Variants in FNIP1 observed in about 807,000 individuals in gnomAD.
FNIP1 encodes folliculin interacting protein 1.
FNIP1 carries 40 observed loss-of-function variants against 124.5 expected under a neutral mutation model. That is an observed-to-expected ratio of 0.32 (90% CI 0.25 to 0.42). The LOEUF (loss-of-function observed/expected upper bound fraction) is 0.42, where lower values mean the gene tolerates loss of function less well. FNIP1 is among the 10% of genes least tolerant of loss of function. The pLI, the probability that FNIP1 is intolerant of heterozygous loss-of-function variation, is 1.00. For synonymous variants in FNIP1, 472 were observed against 470.6 expected, an observed-to-expected ratio of 1.00 and a Z score of -0.04; for missense variants, 1,176 against 1,403.7, an observed-to-expected ratio of 0.84 and a Z score of 2.59.
At chr5:131,730,803 G>A (rs1224019243) in intron 3 of FNIP1, 101 bp downstream of exon 3, 1 of 872,924 alleles carries the variant, frequency 1.1e-6, no homozygotes, top group Non-Finnish European at 1.7e-6. Flanking sequence ...CAAGCTCTAG[G>A]AAGATAAGGA....
intron 1 of FNIP1, among the ~76,000 whole-genome samples, chr5:131,767,896 C>A (rs1580823122): frequency 1.3e-5 from 2 of 152,174 alleles, no homozygotes; most frequent in East Asian, 3.9e-4. Context: ...TTTTCTCTAA[C>A]TACATCTTAA....
At chr5:131,726,599 T>C (rs1208127371) in intron 3 of FNIP1, among the ~76,000 whole-genome samples, 1 of 152,170 alleles carries the variant, frequency 6.6e-6, no homozygotes, top group Admixed American at 6.5e-5. Flanking sequence ...TTTGTTAATC[T>C]TTTCAAAAAA....
chr5:131,696,624 T>C (rs1307631299), intron 11 of FNIP1, among the ~76,000 whole-genome samples: 17 of 152,218 alleles, frequency 1.1e-4, no homozygotes, highest in Admixed American at 1.0e-3. Context: ...AATATTAAAT[T>C]AAAATTATTT....
chr5:131,668,819 T>C (rs375929778), intron 15 of FNIP1, among the ~76,000 whole-genome samples: 2 of 152,376 alleles, frequency 1.3e-5, no homozygotes, highest in Admixed American at 6.5e-5. Flanking sequence ...TGAATGACTG[T>C]GGTTGTGTTC....
chr5:131,749,061 AAT>A (rs1049183421), intron 1 of FNIP1, among the ~76,000 whole-genome samples: 3 of 152,322 alleles, frequency 2.0e-5, no homozygotes, highest in African/African-American at 2.4e-5. Context: ...AAAGAAAGAA[AAT>A]ATGTTTGTAC....
chr5:131,645,606 T>C (rs894309417), intron 17 of FNIP1, among the ~76,000 whole-genome samples: 1 of 152,230 alleles, frequency 6.6e-6, no homozygotes, highest in Non-Finnish European at 1.5e-5. Flanking sequence ...GAATTCATTT[T>C]GAAACTTTCT....
intron 2 of FNIP1, among the ~76,000 whole-genome samples, chr5:131,741,168 G>A (rs551856931): frequency 6.6e-6 from 1 of 152,056 alleles, no homozygotes; most frequent in Non-Finnish European, 1.5e-5. Flanking sequence ...TCTTGCTCAA[G>A]ATCCAAGAAC....
At chr5:131,647,565 C>T (rs940882830) in intron 16 of FNIP1, among the ~76,000 whole-genome samples, 5 of 152,110 alleles carry the variant, frequency 3.3e-5, no homozygotes, top group Admixed American at 6.5e-5. Flanking sequence ...CTTCCGCCTC[C>T]CGGGTTCAAG....
rs1766767817 is a variant in FNIP1 at position 131,643,198 on chromosome 5, C to T, written c.*1487G>A. 6.6e-6 allele frequency: 1 copy of T among 152,258 alleles called. No homozygotes were observed. Among genetic ancestry groups the T allele is most frequent in the African/African-American group, 2.4e-5 (1 of 41,416 alleles). The allele number at this position is 152,258 out of a possible 1,614,324, so 9.4% of individuals were successfully genotyped here. A position where few individuals can be genotyped will look rare whatever the true frequency, so the allele number is the denominator to read the frequency against. On this transcript the variant is annotated 3_prime_UTR_variant, in exon 18 of 18. Coordinates refer to ENST00000510461, the MANE Select transcript of FNIP1 (RefSeq NM_133372.3). ...TAGTTGGAAGTCTCTTGAATACATA[C>T]ACAGCAAGGCAAAATGTGACCCAAT...
chr5:131,750,022 A>C (rs1339955106), intron 1 of FNIP1, among the ~76,000 whole-genome samples: 2 of 152,200 alleles, frequency 1.3e-5, no homozygotes, highest in Non-Finnish European at 2.9e-5. Flanking sequence ...GCAATGCTGT[A>C]CATCTACATA....
intron 1 of FNIP1, among the ~76,000 whole-genome samples, chr5:131,746,968 A>G (rs573759071): frequency 2.0e-5 from 3 of 152,188 alleles, no homozygotes; most frequent in Admixed American, 6.5e-5. Context: ...ATAATAGCCA[A>G]TCTGATTGAT....
Position 131,671,572 on chromosome 5 carries a change from G to T in FNIP1, c.2872C>A (p.Gln958Lys). 1 of 1,613,574 alleles carries T rather than the reference G, an allele frequency of 6.2e-7. No individual in the cohort carries two copies. The highest frequency in any genetic ancestry group is 8.5e-7 in the Non-Finnish European group (1 of 1,179,996). ...SEDTGHDMTR[Q>K]VSSYYGGEQE... ...TCTCCTCCATAATAACTGCTAACTT[G>T]TCTAGTCATATCATGACCTGTATCT... Residue 958 changes from glutamine (Q) to lysine (K), a missense_variant, in exon 14 of 18, where the codon CAA becomes AAA. Gln to Lys is a moderately conservative substitution (Grantham distance 53, BLOSUM62 1). This residue lies in a region of FNIP1 where 1,109 missense variants were observed against 1,288.5 expected (regional missense o/e 0.86). Transcript: ENST00000510461.
At position 131,661,220 on chromosome 5, in the gene FNIP1, T is replaced by TGTGTGTGTGTGTGTGTGTGTGTG. The variant is rs1554092139; in HGVS notation, c.3109-9222_3109-9221insCACACACACACACACACACACAC. ...ACCTTCTGTCCGTCTTGTCTTTGTT[T>TGTGTGTGTGTGTGTGTGTGTGTG]TGTGTGTGTGTGTGTGTGTGTGTGT... On this transcript the variant is annotated intron_variant, in intron 15 of 17. Coordinates refer to ENST00000510461, the MANE Select transcript of FNIP1 (RefSeq NM_133372.3). 8.5e-4 allele frequency among the ~76,000 whole-genome samples: 125 copies of TGTGTGTGTGTGTGTGTGTGTGTG among 147,730 alleles called. 1 individual carries two copies. Among genetic ancestry groups the TGTGTGTGTGTGTGTGTGTGTGTG allele is most frequent in the African/African-American group, 2.8e-3 (113 of 39,684 alleles).
chr5:131,706,869 T>G (rs1769131119), intron 8 of FNIP1, among the ~76,000 whole-genome samples: 1 of 152,212 alleles, frequency 6.6e-6, no homozygotes, highest in Non-Finnish European at 1.5e-5. Context: ...AGTTGAATCC[T>G]TTTAGTTCTT....
At chr5:131,744,959 T>G (rs1389446694) in intron 1 of FNIP1, among the ~76,000 whole-genome samples, 1 of 151,742 alleles carries the variant, frequency 6.6e-6, no homozygotes, top group Non-Finnish European at 1.5e-5. Context: ...TTTGAAAGCA[T>G]TAACTTAATA....
intron 1 of FNIP1, among the ~76,000 whole-genome samples, chr5:131,765,712 A>C (rs1771397941): frequency 6.6e-6 from 1 of 152,246 alleles, no homozygotes. Flanking sequence ...TCTAAAGCAC[A>C]TAACAGGTGA....
rs1172680907 is a variant in FNIP1 at position 131,672,379 on chromosome 5, C to T, written c.2065G>A (p.Val689Ile). The change falls in exon 14 of 18, where the codon GTA becomes ATA. Residue 689 changes from valine to isoleucine, a missense_variant. Val to Ile is a conservative substitution (Grantham distance 29). Coordinates refer to ENST00000510461, the MANE Select transcript of FNIP1 (RefSeq NM_133372.3). Reference protein sequence around the residue: ...ETVVCTGSVPVDKCALSESGL... With the variant: ...ETVVCTGSVPIDKCALSESGL... ...GACTCTGACAATGCACATTTGTCTA[C>T]TGGAACAGATCCTGTGCAAACAACT... is the stretch of plus-strand genomic sequence containing the variant. 1 of 1,614,192 alleles carries T rather than the reference C, an allele frequency of 6.2e-7. No individual in the cohort carries two copies. Among genetic ancestry groups the T allele is most frequent in the Admixed American group, 1.7e-5 (1 of 60,022 alleles).
chr5:131,776,346 T>C (rs1771804250), intron 1 of FNIP1, among the ~76,000 whole-genome samples: 1 of 152,340 alleles, frequency 6.6e-6, no homozygotes, highest in African/African-American at 2.4e-5. Context: ...GGAACTGTCA[T>C]ATAACATACA....
chr5:131,696,763 G>A (rs1028510055), intron 11 of FNIP1, among the ~76,000 whole-genome samples: 1 of 151,902 alleles, frequency 6.6e-6, no homozygotes, highest in African/African-American at 2.4e-5. Context: ...ATAATATAAG[G>A]TGAAATTAAA....
Sources: gnomAD v4.1 joint callset for allele counts (sites outside exome capture counted in the v4.1 genomes callset) on GRCh38, gnomAD v4.1.1 for gene constraint, gnomAD v4.1.1 regional missense constraint, MANE v1.5 for transcripts, NCBI Gene and HGNC (gene_info 2026-07-23, HGNC 2026-07-21) for gene names.